The following DHX9 variants were observed in gnomAD, a reference collection of about 807,000 sequenced individuals.
DHX9 encodes the protein ATP-dependent RNA helicase A.
DHX9 carries 27 observed loss-of-function variants against 148.7 expected under a neutral mutation model. That is an observed-to-expected ratio of 0.18 (90% confidence interval 0.13 to 0.25). The LOEUF (loss-of-function observed/expected upper bound fraction) is 0.25, where lower values mean the gene tolerates loss of function less well. DHX9 is among the 10% of genes least tolerant of loss of function. The pLI is 1.00. For synonymous variants in DHX9, 529 were observed against 516.6 expected (o/e 1.02, Z -0.33); for missense variants, 796 against 1,559.6 (o/e 0.51, Z 8.25).
At chr1:182,859,155 T>C (rs1410245489) in intron 11 of DHX9, 38 bp downstream of exon 11, 1 of 1,574,518 alleles carries the variant, frequency 6.4e-7, no homozygotes, top group East Asian at 2.2e-5. Context: ...TGCTCAGAGC[T>C]TCAGAATGTT....
intron 6 of DHX9, chr1:182,855,725 C>T (rs977553449): frequency 7.1e-6 from 7 of 985,282 alleles, no homozygotes; most frequent in African/African-American, 7.0e-5. Flanking sequence ...TCAGTTCACA[C>T]GAGGTATAGG....
intron 3 of DHX9, among the ~76,000 whole-genome samples, 181 bp from the exon 4 acceptor site, chr1:182,852,052 A>G (rs913872764): frequency 2.6e-5 from 4 of 152,142 alleles, no homozygotes; most frequent in African/African-American, 9.7e-5. Context: ...AGGGGAAACA[A>G]CCAGTTCTTC....
At chr1:182,860,641 ATTTC>A (rs898327138) in intron 12 of DHX9, among the ~76,000 whole-genome samples, 7 of 152,250 alleles carry the variant, frequency 4.6e-5, no homozygotes, top group Non-Finnish European at 7.3e-5. Context: ...TTCACATAGT[ATTTC>A]TCTTTCAGTA....
At chr1:182,866,688 C>T in intron 13 of DHX9, 103 bp downstream of exon 13, 1 of 1,370,422 alleles carries the variant, frequency 7.3e-7, no homozygotes, top group Non-Finnish European at 9.9e-7. Flanking sequence ...GAGCCAGTCT[C>T]AGATTTCTTG....
At chr1:182,882,527 C>A (rs1043628126) in intron 24 of DHX9, among the ~76,000 whole-genome samples, 1 of 152,136 alleles carries the variant, frequency 6.6e-6, no homozygotes, top group Non-Finnish European at 1.5e-5. Flanking sequence ...TCCTATCAGT[C>A]AAGCTCTTAT....
At chr1:182,883,022 G>A (rs1439797498) in intron 24 of DHX9, 117 bp from the exon 25 acceptor site, 1 of 700,118 alleles carries the variant, frequency 1.4e-6, no homozygotes, top group African/African-American at 1.8e-5. Flanking sequence ...TTTACAGACA[G>A]GTTATGTGAA....
intron 1 of DHX9, among the ~76,000 whole-genome samples, chr1:182,842,214 C>A (rs1251632143): frequency 6.6e-6 from 1 of 151,982 alleles, no homozygotes; most frequent in Non-Finnish European, 1.5e-5. Context: ...ATATAAGGTG[C>A]CCGTTGTAGA....
intron 27 of DHX9, among the ~76,000 whole-genome samples, 196 bp from the exon 28 acceptor site, chr1:182,886,887 G>A (rs1358158187): frequency 2.0e-5 from 3 of 152,176 alleles, no homozygotes; most frequent in Non-Finnish European, 2.9e-5. Flanking sequence ...GATTGAACCA[G>A]AACTTCAGAA....
chr1:182,864,409 T>C (rs1351743457), intron 12 of DHX9, among the ~76,000 whole-genome samples: 1 of 152,198 alleles, frequency 6.6e-6, no homozygotes, highest in South Asian at 2.1e-4. Flanking sequence ...TATTTTGATA[T>C]GTGTGCTGGG....
chr1:182,857,570 C>A (rs990138862), intron 7 of DHX9, among the ~76,000 whole-genome samples: 8 of 152,184 alleles, frequency 5.3e-5, no homozygotes, highest in Admixed American at 2.0e-4. Context: ...TAAAGCCATT[C>A]CCAGTCCTAT....
chr1:182,858,312 G>C, intron 8 of DHX9, 72 bp downstream of exon 8: 1 of 1,522,662 alleles, frequency 6.6e-7, no homozygotes, highest in Non-Finnish European at 8.9e-7. Context: ...GTGTTTGGCT[G>C]AAGAAGTTTA....
intron 3 of DHX9, among the ~76,000 whole-genome samples, chr1:182,849,639 G>T (rs1008626256): frequency 6.6e-6 from 1 of 152,164 alleles, no homozygotes; most frequent in African/African-American, 2.4e-5. Context: ...TGTCAGTGGT[G>T]CTAATGTTGA....
chr1:182,840,431 C>G (rs1311079640), intron 1 of DHX9, among the ~76,000 whole-genome samples: 1 of 151,222 alleles, frequency 6.6e-6, no homozygotes, highest in Non-Finnish European at 1.5e-5. Flanking sequence ...TCCGGAGTAG[C>G]TGGGACTACA....
Position 182,853,940 on chromosome 1 carries a change from G to A in DHX9, c.478-90G>A. On this transcript the variant is annotated intron_variant, in intron 5 of 27. Coordinates refer to ENST00000367549, the MANE Select transcript of DHX9 (RefSeq NM_001357.5). The stretch of plus-strand genomic sequence containing the variant: ...CAAAAACAGCTTTTGCATTATAAAG[G>A]ATAGTACAAAGACAGTATTAAAAAT... 4 of 1,178,932 alleles carry A rather than the reference G, an allele frequency of 3.4e-6. No homozygotes were observed. The South Asian group carries it at 4.6e-5, about 14-fold the overall frequency. The allele number at this position is 1,178,932 out of a possible 1,614,324, so 73.0% of individuals were successfully genotyped here.
At position 182,881,230 on chromosome 1, in the gene DHX9, C is replaced by G; in HGVS notation, c.2625-34C>G. The G allele has an allele frequency of 1.9e-6, 3 of 1,591,178 alleles. No individual in the cohort carries two copies. In the East Asian group the frequency reaches 6.7e-5, roughly 36 times the overall value. On this transcript the variant is annotated intron_variant, in intron 22 of 27. Coordinates refer to ENST00000367549, the MANE Select transcript of DHX9 (RefSeq NM_001357.5). ...GAGCTGCTGGCAACAACATTGTGAT[C>G]TAGTCTGGATTTAACTGTCTTTGTG...
chr1:182,872,566 G>C, intron 15 of DHX9, 73 bp downstream of exon 15: 1 of 1,456,838 alleles, frequency 6.9e-7, no homozygotes, highest in Middle Eastern at 1.8e-4. Context: ...CTGGAGATTG[G>C]AGTTACAATT....
chr1:182,868,605 C>T (rs1648407569), intron 14 of DHX9, among the ~76,000 whole-genome samples: 2 of 147,656 alleles, frequency 1.4e-5, no homozygotes, highest in South Asian at 4.2e-4. Context: ...ACTTCTGCCT[C>T]CCGGGTTTAA....
chr1:182,874,901 C>T lies in DHX9; in HGVS notation c.1762C>T (p.Pro588Ser), dbSNP rs1257156986. 7.4e-6 allele frequency: 12 copies of T among 1,613,206 alleles called. No individual in the cohort carries two copies. Among genetic ancestry groups the T allele is most frequent in the Non-Finnish European group, 9.3e-6 (11 of 1,179,526 alleles). ...CIQMTHFVPP[P>S]KDKKKKDKDD... ...TCAGATGACCCACTTTGTTCCTCCA[C>T]CAAAAGACAAAAAGAAGAAGGATAA... Residue 588 changes from proline to serine, a missense_variant, in exon 16 of 28, where the codon CCA becomes TCA. This residue lies in a region of DHX9 where 133 missense variants were observed against 223.8 expected (regional missense o/e 0.59). Transcript: ENST00000367549.
chr1:182,859,190 A>ACTGCCATAAAAGG, intron 11 of DHX9, 73 bp downstream of exon 11: 1 of 1,384,616 alleles, frequency 7.2e-7, no homozygotes, highest in Non-Finnish European at 1.0e-6. Context: ...AAAGTCAATG[A>ACTGCCATAAAAGG]GCAGTACATT....
Sources: gnomAD v4.1 joint callset for allele counts (sites outside exome capture counted in the v4.1 genomes callset) on GRCh38, gnomAD v4.1.1 for gene constraint, gnomAD v4.1.1 regional missense constraint, MANE v1.5 for transcripts, NCBI Gene and HGNC (gene_info 2026-07-23, HGNC 2026-07-21) for gene names.